DLG2: variants seen among roughly 807,000 people sequenced by gnomAD.
DLG2 encodes disks large homolog 2.
In DLG2, 45 loss-of-function variants were observed where a neutral mutation model predicts 132.5. The observed-to-expected ratio is 0.34, with a 90% CI of 0.27 to 0.44. The LOEUF (loss-of-function observed/expected upper bound fraction) is 0.44, where lower values mean the gene tolerates loss of function less well. DLG2 is among the 20% of genes least tolerant of loss of function. DLG2 has a pLI of 1.00. For missense variants in DLG2, 1,045 were observed against 1,196.9 expected, an observed-to-expected ratio of 0.87 and a Z score of 1.87; for synonymous variants, 424 against 419.6, an observed-to-expected ratio of 1.01 and a Z score of -0.13.
intron 6 of DLG2, among the ~76,000 whole-genome samples, chr11:84,748,068 G>A (rs540760239): frequency 3.3e-5 from 5 of 152,298 alleles, no homozygotes; most frequent in African/African-American, 1.2e-4. Context: ...GTGGTTTCTT[G>A]AGTAGAATCA....
intron 9 of DLG2, among the ~76,000 whole-genome samples, 192 bp downstream of exon 9, chr11:84,163,269 A>G (rs35801171): frequency 0.075 from 11,422 of 152,160 alleles, 621 homozygotes; most frequent in African/African-American, 0.15. Flanking sequence ...CATACTAAAC[A>G]TTCAGTTATT....
intron 8 of DLG2, among the ~76,000 whole-genome samples, chr11:84,205,634 A>G (rs181058451): frequency 8.5e-4 from 130 of 152,230 alleles, no homozygotes; most frequent in African/African-American, 2.9e-3. Context: ...AAAATAAAAA[A>G]TATTTTGATT....
chr11:84,873,779 T>C (rs1600466014), intron 6 of DLG2, among the ~76,000 whole-genome samples: 1 of 152,334 alleles, frequency 6.6e-6, no homozygotes, highest in East Asian at 1.9e-4. Flanking sequence ...TCTTTAACCA[T>C]CTTTCCTGAA....
chr11:84,914,868 T>G (rs2092353858), intron 6 of DLG2, among the ~76,000 whole-genome samples: 1 of 152,146 alleles, frequency 6.6e-6, no homozygotes, highest in African/African-American at 2.4e-5. Flanking sequence ...ATGAAATGAG[T>G]GATGTACACA....
At chr11:85,052,021 C>A (rs761845606) in intron 6 of DLG2, among the ~76,000 whole-genome samples, 5 of 152,068 alleles carry the variant, frequency 3.3e-5, no homozygotes, top group Non-Finnish European at 5.9e-5. Context: ...GCTAGAAAGA[C>A]ACTTCTCAGC....
intron 15 of DLG2, among the ~76,000 whole-genome samples, chr11:83,875,680 A>G (rs1002044729): frequency 3.3e-5 from 5 of 152,176 alleles, no homozygotes; most frequent in African/African-American, 1.2e-4. Context: ...CACTATTTAC[A>G]TATACACATA....
chr11:84,547,981 T>G (rs934792025), intron 6 of DLG2, among the ~76,000 whole-genome samples: 29 of 152,318 alleles, frequency 1.9e-4, no homozygotes, highest in Admixed American at 1.6e-3. Flanking sequence ...AGTAGTACCC[T>G]GTAAGATTTT....
rs565129817 is a variant in DLG2 at position 84,225,521 on chromosome 11, A to G, written c.573+25717T>C. On this transcript the variant is annotated intron_variant, in intron 8 of 27. Transcript: ENST00000376104. ...TGGTGCTCACAATATTCTAGTATTG[A>G]TTATTCCACTAGAATATCATTCAAG... Among the ~76,000 whole-genome samples the G allele has an allele frequency of 5.5e-4, 84 of 152,276 alleles. 1 individual carries two copies. Among genetic ancestry groups the G allele is most frequent in the African/African-American group, 1.8e-3 (73 of 41,550 alleles).
intron 6 of DLG2, among the ~76,000 whole-genome samples, chr11:85,037,116 C>T (rs568450918): frequency 2.1e-4 from 32 of 152,316 alleles, no homozygotes; most frequent in African/African-American, 7.7e-4. Context: ...ATTTGTGGTA[C>T]AATCCATCAA....
At chr11:83,594,083 T>G (rs182674996) in intron 19 of DLG2, among the ~76,000 whole-genome samples, 11 of 152,340 alleles carry the variant, frequency 7.2e-5, no homozygotes, top group Non-Finnish European at 1.3e-4. Context: ...AAGAGACAAT[T>G]ATGGCTTGCC....
At chr11:84,698,354 T>C (rs1416779233) in intron 6 of DLG2, among the ~76,000 whole-genome samples, 1 of 151,544 alleles carries the variant, frequency 6.6e-6, no homozygotes, top group Non-Finnish European at 1.5e-5. Flanking sequence ...GTTCATTTCC[T>C]TCTTACAACA....
chr11:84,642,566 C>T (rs1217637679), intron 6 of DLG2, among the ~76,000 whole-genome samples: 3 of 152,046 alleles, frequency 2.0e-5, no homozygotes, highest in African/African-American at 7.2e-5. Context: ...AGAGTGCCTG[C>T]CTTCCTGTTG....
intron 6 of DLG2, among the ~76,000 whole-genome samples, chr11:85,069,619 G>A (rs1388400077): frequency 1.3e-5 from 2 of 152,118 alleles, no homozygotes; most frequent in Non-Finnish European, 2.9e-5. Context: ...TCTCACAACC[G>A]TTAGAATGGC....
At chr11:84,797,507 A>T (rs2074798130) in intron 6 of DLG2, among the ~76,000 whole-genome samples, 1 of 152,130 alleles carries the variant, frequency 6.6e-6, no homozygotes, top group Non-Finnish European at 1.5e-5. Context: ...TCTGCTGTTG[A>T]GATGCTGTGA....
chr11:85,005,468 T>G (rs558964423), intron 6 of DLG2, among the ~76,000 whole-genome samples: 1 of 152,316 alleles, frequency 6.6e-6, no homozygotes, highest in East Asian at 1.9e-4. Context: ...GATTCCTAGG[T>G]ATTTAATTCT....
At chr11:85,412,764 T>TAC (rs1310054914) in intron 3 of DLG2, among the ~76,000 whole-genome samples, 6 of 54,266 alleles carry the variant, frequency 1.1e-4, no homozygotes, top group African/African-American at 3.6e-4. Flanking sequence ...CACACACATA[T>TAC]ATATATATAT....
At chr11:84,631,637 C>T (rs1166137493) in intron 6 of DLG2, among the ~76,000 whole-genome samples, 1 of 152,054 alleles carries the variant, frequency 6.6e-6, no homozygotes, top group East Asian at 1.9e-4. Flanking sequence ...TTACAATAGG[C>T]CATACTTCAC....
intron 6 of DLG2, among the ~76,000 whole-genome samples, chr11:84,798,992 G>T (rs2075035338): frequency 6.6e-6 from 1 of 152,126 alleles, no homozygotes. Context: ...CAGAGGAAAG[G>T]AGTCACTTTC....
At chr11:84,175,221 T>C (rs1304570709) in intron 8 of DLG2, among the ~76,000 whole-genome samples, 5 of 152,178 alleles carry the variant, frequency 3.3e-5, no homozygotes, top group Admixed American at 1.3e-4. Flanking sequence ...TCTCTTACTA[T>C]ACTTGTGGTC....
Sources: gnomAD v4.1 joint callset for allele counts (sites outside exome capture counted in the v4.1 genomes callset) on GRCh38, gnomAD v4.1.1 for gene constraint, MANE v1.5 for transcripts, NCBI Gene and HGNC (gene_info 2026-07-23, HGNC 2026-07-21) for gene names.